SPTBN5: variants seen among roughly 807,000 people sequenced by gnomAD.
SPTBN5 encodes spectrin beta chain, non-erythrocytic 5.
A neutral mutation model predicts 477.6 loss-of-function variants in SPTBN5; 513 were observed. That is an observed-to-expected ratio of 1.07 (90% confidence interval 1.00 to 1.16). SPTBN5 has a LOEUF of 1.16. Among genes scored for constraint, SPTBN5 ranks in the 50% most tolerant of loss-of-function variants. The pLI, the probability that SPTBN5 is intolerant of heterozygous loss-of-function variation, is 0.00. For synonymous variants in SPTBN5, 2,169 were observed against 2,011.7 expected (o/e 1.08, Z -2.09); for missense variants, 5,062 against 4,731.8 (o/e 1.07, Z -2.05).
intron 16 of SPTBN5, among the ~76,000 whole-genome samples, 162 bp from the exon 17 acceptor site, chr15:41,878,791 G>T (rs557712262): frequency 6.6e-6 from 1 of 152,294 alleles, no homozygotes; most frequent in South Asian, 2.1e-4. Flanking sequence ...GGGCTCGCCA[G>T]GTGCAGTGGC....
At position 41,862,781 on chromosome 15, in the gene SPTBN5, G is replaced by T; in HGVS notation, c.7263+9C>A. The T allele has an allele frequency of 6.4e-7, 1 of 1,560,490 alleles. No individual in the cohort carries two copies. ...TGCCCTGGGCCCAGCTCTACAGCCA[G>T]CTACGCACCTCCACCTGGGCCTGGA... On this transcript the variant is annotated intron_variant, in intron 42 of 67. Transcript: ENST00000320955.
Position 41,852,714 on chromosome 15 carries a change from A to G in SPTBN5, c.10369T>C (p.Leu3457=), listed in dbSNP as rs544690979. ...DYGHSVSDVE[L]LLHRHQDLEK... is the part of the protein sequence containing the mutation. The stretch of plus-strand genomic sequence containing the variant: ...AAGTCCTGGTGTCTGTGCAGCAGCA[A>G]CTCCACATCTGACACTGAGTGCTGG... Residue 3457 remains leucine, a synonymous_variant, in exon 61 of 68, where the codon TTG becomes CTG. Coordinates refer to ENST00000320955, the MANE Select transcript of SPTBN5 (RefSeq NM_016642.4). 4.3e-6 allele frequency: 7 copies of G among 1,611,452 alleles called. No homozygotes were observed. In the African/African-American group the frequency reaches 5.4e-5, roughly 12 times the overall value.
Position 41,862,570 on chromosome 15 carries a change from A to G in SPTBN5, c.7354T>C (p.Trp2452Arg), listed in dbSNP as rs1595460226. The G allele has an allele frequency of 6.4e-7, 1 of 1,561,004 alleles. No individual in the cohort carries two copies. The highest frequency in any genetic ancestry group is 8.7e-7 in the Non-Finnish European group (1 of 1,153,190). ...TGGGCCCTGCTCCGGAGCTGCCACC[A>G]GCTCTCAGCCACCTCCTGCTGCCTG... ...RHRQQEVAES[W>R]WQLRSRAQKR... The change falls in exon 43 of 68, where the codon TGG becomes CGG. Residue 2452 changes from tryptophan to arginine, a missense_variant. Physicochemically the swap from Trp to Arg is moderately radical, Grantham distance 101 (BLOSUM62 -3). Coordinates refer to ENST00000320955, the MANE Select transcript of SPTBN5 (RefSeq NM_016642.4).
At position 41,888,021 on chromosome 15, in the gene SPTBN5, C is replaced by T. The variant is rs772345257; in HGVS notation, c.566G>A (p.Arg189Gln). The T allele has an allele frequency of 8.8e-6, 14 of 1,593,560 alleles. No homozygotes were observed. Among genetic ancestry groups the T allele is most frequent in the South Asian group, 5.7e-5 (5 of 87,378 alleles). ...CACGTTGGTGTAGCTGGCTGTCTTC[C>T]GCTGGCACCAGACCAGCAGGGCTTC... Reference protein sequence around the residue: ...TKEALLVWCQRKTASYTNVNI... With the variant: ...TKEALLVWCQQKTASYTNVNI... The change falls in exon 5 of 68, where the codon CGG (arginine) becomes CAG (glutamine). Residue 189 changes from arginine to glutamine, a missense_variant. Coordinates refer to ENST00000320955, the MANE Select transcript of SPTBN5 (RefSeq NM_016642.4).
Position 41,851,161 on chromosome 15 carries a change from A to G in SPTBN5, c.10744-11T>C, listed in dbSNP as rs1246788180. The G allele has an allele frequency of 1.9e-6, 3 of 1,611,704 alleles. No individual in the cohort carries two copies. Among genetic ancestry groups the G allele is most frequent in the Non-Finnish European group, 2.5e-6 (3 of 1,179,160 alleles). On this transcript the variant is annotated splice_polypyrimidine_tract_variant and intron_variant, in intron 64 of 67. Transcript: ENST00000320955. ...TATGGAAGCTACTTTCTGAGGAGAG[A>G]TGAGAGGCAGGGGTCACTGCGGCCA...
rs775779775 is a variant in SPTBN5, at chr15:41,883,166, C to T, written c.1722G>A (p.Arg574=). The T allele has an allele frequency of 1.2e-6, 2 of 1,612,806 alleles. No homozygotes were observed. Among genetic ancestry groups the T allele is most frequent in the South Asian group, 1.1e-5 (1 of 90,970 alleles). The change falls in exon 9 of 68, where the codon AGG becomes AGA. Residue 574 remains arginine, a synonymous_variant. Transcript: ENST00000320955. ...AGACTTGAGCCTCCAGCAGGTCATG[C>T]CTCTGCAGCAGCTCCACCACTTCTG... ...QLAEVVELLQ[R]HDLLEAQVSA...
chr15:41,857,935 G>T (rs886812475), intron 49 of SPTBN5, among the ~76,000 whole-genome samples: 5 of 152,236 alleles, frequency 3.3e-5, no homozygotes, highest in Non-Finnish European at 7.3e-5. Flanking sequence ...ACTTAGCAGG[G>T]TGATTTATAT....
In SPTBN5 at chr15:41,852,187, G is replaced by A. The variant is rs1362449187; in HGVS notation, c.10579C>T (p.Pro3527Ser). ...AGCCCCATAGGGACACCTGCCTGGG[G>A]GTCCCTCGTCTCAGCCAGCTGTGCT... is the stretch of plus-strand genomic sequence containing the variant. ...LGAQLAETRD[P>S]QDAKGTPTME... Residue 3527 changes from proline to serine, a missense_variant, in exon 62 of 68, where the codon CCC becomes TCC. Physicochemically the swap from Pro to Ser is moderately conservative, Grantham distance 74 (BLOSUM62 -1). Coordinates refer to ENST00000320955, the MANE Select transcript of SPTBN5 (RefSeq NM_016642.4). 1.9e-6 allele frequency: 3 copies of A among 1,592,100 alleles called. No individual in the cohort carries two copies. The highest frequency in any genetic ancestry group is 2.3e-5 in the East Asian group (1 of 44,440).
rs573055818 is a variant in SPTBN5 at position 41,861,558 on chromosome 15, G to A, written c.7738-62C>T. 34 of 1,569,022 alleles carry A rather than the reference G, an allele frequency of 2.2e-5. No individual in the cohort carries two copies. The South Asian group carries it at 3.7e-4, about 17-fold the overall frequency. ...AGGGTCCAGCCACTGCAGTTGGAGT[G>A]ACTGTTCCAGTGGCACAGGTTAGGG... On this transcript the variant is annotated intron_variant, in intron 45 of 67. Coordinates refer to ENST00000320955, the MANE Select transcript of SPTBN5 (RefSeq NM_016642.4).
rs2066968486 is a variant in SPTBN5 at position 41,881,963 on chromosome 15, C to T, written c.2430G>A (p.Ala810=). 2 of 1,528,890 alleles carry T rather than the reference C, an allele frequency of 1.3e-6. No homozygotes were observed. The highest frequency in any genetic ancestry group is 1.4e-5 in the African/African-American group (1 of 70,726). 94.7% of individuals were successfully genotyped at this position (1,528,890 alleles called of 1,614,324 possible). A position where few individuals can be genotyped will look rare whatever the true frequency, so the allele number is the denominator to read the frequency against. The change falls in exon 12 of 68, where the codon GCG becomes GCA. Residue 810 remains alanine, a synonymous_variant. Coordinates refer to ENST00000320955, the MANE Select transcript of SPTBN5 (RefSeq NM_016642.4). The part of the protein sequence containing the change: ...ELRRLEEQGR[A]ASARASLFTV... ...TGAATAACGACGCCCGGGCCGAGGCCGCCCGCCCCTGCTCCTCCAGCCGCC... is the reference window on the plus strand; with the variant it reads ...TGAATAACGACGCCCGGGCCGAGGCTGCCCGCCCCTGCTCCTCCAGCCGCC...
chr15:41,865,859 G>A lies in SPTBN5; in HGVS notation c.6867C>T (p.His2289=). The A allele has an allele frequency of 1.3e-6, 2 of 1,583,888 alleles. No individual in the cohort carries two copies. Among genetic ancestry groups the A allele is most frequent in the Non-Finnish European group, 1.7e-6 (2 of 1,165,604 alleles). Residue 2289 remains histidine (H), a synonymous_variant, in exon 39 of 68, where the codon CAC becomes CAT. Coordinates refer to ENST00000320955, the MANE Select transcript of SPTBN5 (RefSeq NM_016642.4). ...GGAGCCGCCGTCGGAGCTGCAGGCAGTGCTCCAGGTCCTGGCCCAGGTCAC... is the reference window on the plus strand; with the variant it reads ...GGAGCCGCCGTCGGAGCTGCAGGCAATGCTCCAGGTCCTGGCCCAGGTCAC... ...NVGDLGQDLE[H]CLQLRRRLRE...
chr15:41,875,014 T>C lies in SPTBN5; in HGVS notation c.4330A>G (p.Ser1444Gly), dbSNP rs746076200. The change falls in exon 23 of 68, where the codon AGC becomes GGC. Residue 1444 changes from serine (S) to glycine (G), a missense_variant. By Grantham distance (56) the Ser-to-Gly change is moderately conservative. Transcript: ENST00000320955. ...QLEQLEGALQ[S>G]SETGQDLRSS... ...CGCAGGTCCTGCCCTGTTTCCGAGC[T>C]CTGTAGGGCCCCTTCGAGCTGCTCC... 6.2e-7 allele frequency: 1 copy of C among 1,613,572 alleles called. No homozygotes were observed. Among genetic ancestry groups the C allele is most frequent in the Admixed American group, 1.7e-5 (1 of 60,006 alleles).
chr15:41,871,651 TGAG>T (rs1187376384), intron 28 of SPTBN5, 128 bp downstream of exon 28: 1 of 1,414,016 alleles, frequency 7.1e-7, no homozygotes, highest in Non-Finnish European at 9.3e-7. Context: ...CCCGCTCCAC[TGAG>T]GAGGCCCCAC....
Position 41,853,771 on chromosome 15 carries a change from A to G in SPTBN5, c.9791T>C (p.Met3264Thr). The change falls in exon 58 of 68, where the codon ATG (methionine) becomes ACG (threonine). Residue 3264 changes from methionine to threonine, a missense_variant. Transcript: ENST00000320955. Reference protein sequence around the residue: ...HRRLERELEAMEKEVARLQTE... With the variant: ...HRRLERELEATEKEVARLQTE... The stretch of plus-strand genomic sequence containing the variant: ...CTGTAGCCGTGCCACCTCCTTCTCC[A>G]TAGCTTCCAGCTCTCTCTGCAACCA... 2 of 1,569,990 alleles carry G rather than the reference A, an allele frequency of 1.3e-6. No homozygotes were observed. Among genetic ancestry groups the G allele is most frequent in the East Asian group, 2.3e-5 (1 of 42,728 alleles).
chr15:41,866,012 C>A, intron 38 of SPTBN5, 26 bp downstream of exon 38: 4 of 1,549,160 alleles, frequency 2.6e-6, no homozygotes, highest in Non-Finnish European at 3.5e-6. Flanking sequence ...CCCCATCTCT[C>A]AGCCCCCACC....
At position 41,867,502 on chromosome 15, in the gene SPTBN5, C is replaced by T. The variant is rs749075939; in HGVS notation, c.6312+36G>A. On this transcript the variant is annotated intron_variant, in intron 35 of 67. Transcript: ENST00000320955. ...CTTCAGGACTCTCTCCCAACCACCA[C>T]ACTCTGACCACGCCCAGGCCTCCTG... The T allele has an allele frequency of 1.5e-5, 24 of 1,597,248 alleles. No individual in the cohort carries two copies. In the South Asian group the frequency reaches 2.0e-4, roughly 13 times the overall value.
chr15:41,892,744 C>T (rs1188233151), intron 3 of SPTBN5, 150 bp downstream of exon 3: 7 of 883,724 alleles, frequency 7.9e-6, no homozygotes. Context: ...GTGGCTTCTG[C>T]TCCTCTGTGT....
rs73403296 is a variant in SPTBN5 at position 41,851,361 on chromosome 15, C to G, written c.10665G>C (p.Ser3555=). 2.8e-4 allele frequency: 429 copies of G among 1,550,766 alleles called. 1 individual carries two copies. The African/African-American group carries it at 5.0e-3, about 18-fold the overall frequency. Residue 3555 remains serine, a synonymous_variant, in exon 64 of 68, where the codon TCG becomes TCC. Coordinates refer to ENST00000320955, the MANE Select transcript of SPTBN5 (RefSeq NM_016642.4). ...HLLPGGRQPS[S]SSWDSCRGNL... ...TCCCGCGGCAGCTGTCCCAGGAGCTCGAGCTAGGCTGTGGAGAGGAGGCGG... is the reference window on the plus strand; with the variant it reads ...TCCCGCGGCAGCTGTCCCAGGAGCTGGAGCTAGGCTGTGGAGAGGAGGCGG...
intron 59 of SPTBN5, 56 bp downstream of exon 59, chr15:41,853,202 T>C: frequency 6.5e-7 from 1 of 1,539,774 alleles, no homozygotes; most frequent in Non-Finnish European, 8.8e-7. Context: ...CCTGAGGCCC[T>C]GGGCAATCAG....
Sources: gnomAD v4.1 joint callset for allele counts (sites outside exome capture counted in the v4.1 genomes callset) on GRCh38, gnomAD v4.1.1 for gene constraint, MANE v1.5 for transcripts, NCBI Gene and HGNC (gene_info 2026-07-23, HGNC 2026-07-21) for gene names.